MYO6: variants seen among roughly 807,000 people sequenced by gnomAD.
The protein encoded by MYO6 is unconventional myosin-VI.
In MYO6, 74 loss-of-function variants were observed where a neutral mutation model predicts 178.7. The ratio of observed to expected loss-of-function variants is 0.41; its 90% CI spans 0.34 to 0.50. MYO6 has a LOEUF of 0.50. Ranked by LOEUF, MYO6 falls within the 20% of genes least tolerant of loss-of-function variation. The probability of loss-of-function intolerance (pLI) is 0.09; values close to 1 mark genes in which losing one functional copy is unlikely to be tolerated. For missense variants in MYO6, 1,330 were observed against 1,547.4 expected (o/e 0.86, Z 2.36); for synonymous variants, 477 against 504.6 (o/e 0.95, Z 0.73).
At position 75,914,415 on chromosome 6, in the gene MYO6, A is replaced by G. The variant is rs796828785; in HGVS notation, c.3658+134A>G. On this transcript the variant is annotated intron_variant, in intron 34 of 34. Coordinates refer to ENST00000369977, the MANE Select transcript of MYO6 (RefSeq NM_004999.4). ...AGGGATGGAGTCTTGCGGTTAAATC[A>G]CATTTCCAGTTCAGTGAGGATTAAC... The G allele has an allele frequency of 2.9e-5, 27 of 921,110 alleles. No homozygotes were observed. In the African/African-American group the frequency reaches 3.1e-4, roughly 11 times the overall value. The allele number at this position is 921,110 out of a possible 1,614,324, so 57.1% of individuals were successfully genotyped here.
intron 2 of MYO6, among the ~76,000 whole-genome samples, chr6:75,822,501 A>C (rs1771994417): frequency 7.3e-6 from 1 of 136,086 alleles, no homozygotes; most frequent in Admixed American, 8.3e-5. Flanking sequence ...TAATATTAAT[A>C]TACCTCTTTT....
At chr6:75,790,236 A>G (rs997963003) in intron 1 of MYO6, among the ~76,000 whole-genome samples, 12 of 152,222 alleles carry the variant, frequency 7.9e-5, no homozygotes, top group African/African-American at 2.4e-4. Flanking sequence ...GTATATGCAT[A>G]TAGTCATGTT....
chr6:75,887,716 G>A (rs1338374893), intron 25 of MYO6, among the ~76,000 whole-genome samples: 3 of 151,330 alleles, frequency 2.0e-5, no homozygotes, highest in African/African-American at 7.3e-5. Flanking sequence ...GGTCACGCCT[G>A]TAATCCCAGC....
At chr6:75,836,021 T>G in intron 7 of MYO6, 65 bp downstream of exon 7, 1 of 1,048,046 alleles carries the variant, frequency 9.5e-7, no homozygotes, top group Non-Finnish European at 1.5e-6. Context: ...CTTTTAGTGG[T>G]CTGGAATGTT....
intron 1 of MYO6, among the ~76,000 whole-genome samples, chr6:75,784,776 CAAAAAAAA>C (rs754218278): frequency 7.4e-5 from 4 of 54,408 alleles, no homozygotes; most frequent in Admixed American, 2.1e-4. Flanking sequence ...GACTCCGTCT[CAAAAAAAA>C]AAAAAAAAAA....
chr6:75,810,804 T>C (rs1026130777), intron 1 of MYO6, among the ~76,000 whole-genome samples: 2 of 152,154 alleles, frequency 1.3e-5, no homozygotes, highest in Admixed American at 6.5e-5. Context: ...CTAGCCTAGT[T>C]GAGGAGAGGC....
intron 29 of MYO6, among the ~76,000 whole-genome samples, chr6:75,896,362 C>T (rs1203064431): frequency 6.6e-6 from 1 of 152,152 alleles, no homozygotes; most frequent in African/African-American, 2.4e-5. Context: ...GATAAGCGAT[C>T]AGATGTTTTT....
chr6:75,795,502 A>G (rs1302052376), intron 1 of MYO6, among the ~76,000 whole-genome samples: 2 of 152,186 alleles, frequency 1.3e-5, no homozygotes, highest in Non-Finnish European at 2.9e-5. Flanking sequence ...CAAAACCATT[A>G]TGGTTTTATC....
intron 27 of MYO6, among the ~76,000 whole-genome samples, chr6:75,892,016 T>C (rs1778938533): frequency 6.6e-6 from 1 of 152,230 alleles, no homozygotes; most frequent in Non-Finnish European, 1.5e-5. Context: ...TCACTTAAAA[T>C]GTTAAGTTTT....
In MYO6 at chr6:75,914,978, A is replaced by G. The variant is rs146461956; in HGVS notation, c.3824A>G (p.Tyr1275Cys). 2.1e-3 allele frequency: 3,373 copies of G among 1,613,628 alleles called. 46 individuals carry two copies. Among genetic ancestry groups the G allele is most frequent in the Admixed American group, 0.021 (1,234 of 59,980 alleles). ...GAGAGCAGACAGGCTCGGCCCACCT[A>G]TGCAACAGCCATGCTGCAGAGTCTG... is the stretch of plus-strand genomic sequence containing the variant. ...AIESRQARPT[Y>C]ATAMLQSLLK The change falls in exon 35 of 35, where the codon TAT (tyrosine) becomes TGT (cysteine). Residue 1275 changes from tyrosine to cysteine, a missense_variant. Around this residue, in one of 3 missense-constraint regions of MYO6, gnomAD observed 601 missense variants for 626.1 expected, o/e 0.96. Transcript: ENST00000369977.
intron 1 of MYO6, among the ~76,000 whole-genome samples, chr6:75,764,191 C>T (rs562586248): frequency 7.2e-5 from 11 of 152,188 alleles, no homozygotes; most frequent in Non-Finnish European, 1.3e-4. Flanking sequence ...ATTATGGATG[C>T]GGGCCACCAT....
intron 1 of MYO6, among the ~76,000 whole-genome samples, chr6:75,774,860 T>C (rs1434903117): frequency 3.3e-5 from 5 of 152,072 alleles, no homozygotes; most frequent in Admixed American, 1.3e-4. Context: ...TGGCACGATC[T>C]TGGCTCACTG....
intron 30 of MYO6, among the ~76,000 whole-genome samples, chr6:75,904,110 T>C (rs1432202381): frequency 6.6e-6 from 1 of 152,198 alleles, no homozygotes; most frequent in Admixed American, 6.5e-5. Context: ...GTTAGTCTGA[T>C]GGGCTTCCCT....
Position 75,914,044 on chromosome 6 carries a change from T to C in MYO6, c.3440-19T>C. On this transcript the variant is annotated intron_variant, in intron 33 of 34. Transcript: ENST00000369977. ...TTCCCTTGAGCTGCTGGTATAACTT[T>C]CCTTGTTCTGTGTAATAGCTCAGCA... 1.2e-6 allele frequency: 2 copies of C among 1,612,704 alleles called. No individual in the cohort carries two copies. Among genetic ancestry groups the C allele is most frequent in the Non-Finnish European group, 1.7e-6 (2 of 1,179,324 alleles).
chr6:75,872,586 CAT>C (rs1157056710), intron 19 of MYO6, among the ~76,000 whole-genome samples: 1 of 152,106 alleles, frequency 6.6e-6, no homozygotes, highest in Non-Finnish European at 1.5e-5. Context: ...AAAAAAATCA[CAT>C]GTACATCAGC....
chr6:75,876,716 A>G (rs1401653071), intron 20 of MYO6, among the ~76,000 whole-genome samples: 1 of 152,212 alleles, frequency 6.6e-6, no homozygotes, highest in Non-Finnish European at 1.5e-5. Flanking sequence ...TTGGCACTTT[A>G]ACAGATAATA....
chr6:75,823,462 A>T (rs1772117624), intron 3 of MYO6, among the ~76,000 whole-genome samples: 1 of 152,320 alleles, frequency 6.6e-6, no homozygotes, highest in South Asian at 2.1e-4. Context: ...ACAATTATGT[A>T]CACTTGTCAT....
At chr6:75,859,156 C>G (rs770339836) in intron 14 of MYO6, among the ~76,000 whole-genome samples, 163 bp downstream of exon 14, 1 of 152,090 alleles carries the variant, frequency 6.6e-6, no homozygotes, top group Non-Finnish European at 1.5e-5. Flanking sequence ...GGCTCAGGCA[C>G]GTCAGAAGTG....
At chr6:75,843,967 T>C (rs1226560352) in intron 9 of MYO6, among the ~76,000 whole-genome samples, 1 of 152,146 alleles carries the variant, frequency 6.6e-6, no homozygotes, top group African/African-American at 2.4e-5. Context: ...AATAAAATCA[T>C]AGCAACCTGA....
Sources: gnomAD v4.1 joint callset for allele counts (sites outside exome capture counted in the v4.1 genomes callset) on GRCh38, gnomAD v4.1.1 for gene constraint, gnomAD v4.1.1 regional missense constraint, MANE v1.5 for transcripts, NCBI Gene and HGNC (gene_info 2026-07-23, HGNC 2026-07-21) for gene names.